CREB5: variants seen among roughly 807,000 people sequenced by gnomAD.
CREB5 encodes cyclic AMP-responsive element-binding protein 5.
CREB5 carries 19 observed loss-of-function variants against 57.1 expected under a neutral mutation model. The observed-to-expected ratio is 0.33, with a 90% confidence interval of 0.23 to 0.49. CREB5 has a LOEUF of 0.49. Among genes scored for constraint, CREB5 ranks in the 20% least tolerant of loss-of-function variants. CREB5 has a pLI of 0.99. For missense variants in CREB5, 579 were observed against 671.6 expected (o/e 0.86, Z 1.52); for synonymous variants, 238 against 238.3 (o/e 1.00, Z 0.01).
At chr7:28,790,476 A>ATAGAGAGAGAG (rs1807627809) in intron 7 of CREB5, among the ~76,000 whole-genome samples, 1 of 133,398 alleles carries the variant, frequency 7.5e-6, no homozygotes, top group African/African-American at 2.8e-5. Flanking sequence ...GAGAGAGAGA[A>ATAGAGAGAGAG]AGAAAGAAAG....
intron 5 of CREB5, chr7:28,615,461 C>T (rs1797561332): frequency 6.6e-6 from 1 of 152,326 alleles, no homozygotes; most frequent in African/African-American, 2.4e-5. Context: ...ATCTTGTTCC[C>T]CACAGTGTCC....
At chr7:28,312,191 T>TA (rs10692775) in intron 1 of CREB5, among the ~76,000 whole-genome samples, 78,938 of 147,234 alleles carry the variant, frequency 0.54, 21,902 homozygotes, top group East Asian at 0.89. Context: ...AGCTAATTGA[T>TA]AAAAAAAAAA....
At chr7:28,630,954 G>A (rs1375885563) in intron 5 of CREB5, among the ~76,000 whole-genome samples, 1 of 152,118 alleles carries the variant, frequency 6.6e-6, no homozygotes, top group Non-Finnish European at 1.5e-5. Context: ...TTAGATATGA[G>A]GAAACCAGGC....
At chr7:28,511,197 A>C (rs1352048089) in intron 4 of CREB5, among the ~76,000 whole-genome samples, 2 of 140,590 alleles carry the variant, frequency 1.4e-5, no homozygotes, top group Non-Finnish European at 3.0e-5. Context: ...GGCACAGGGC[A>C]TGCTGCGGGT....
intron 3 of CREB5, among the ~76,000 whole-genome samples, chr7:28,502,026 T>C (rs1274954395): frequency 6.6e-6 from 1 of 152,146 alleles, no homozygotes; most frequent in African/African-American, 2.4e-5. Context: ...TGGATCACCC[T>C]GGCCAGGATG....
intron 1 of CREB5, among the ~76,000 whole-genome samples, chr7:28,299,897 A>C (rs1480059013): frequency 3.3e-5 from 5 of 152,164 alleles, no homozygotes; most frequent in Non-Finnish European, 7.3e-5. Flanking sequence ...TTGAATCTAC[A>C]TGTTGCGTAT....
intron 7 of CREB5, among the ~76,000 whole-genome samples, chr7:28,769,531 A>AT (rs1168929942): frequency 6.6e-6 from 1 of 152,200 alleles, no homozygotes; most frequent in East Asian, 1.9e-4. Context: ...ATGAAGAATA[A>AT]TTTTTTAAAA....
chr7:28,327,862 A>C (rs1562658683), intron 1 of CREB5, among the ~76,000 whole-genome samples: 1 of 152,218 alleles, frequency 6.6e-6, no homozygotes, highest in Non-Finnish European at 1.5e-5. Context: ...GGCTTCTTCA[A>C]GACTCAATTT....
chr7:28,711,165 G>A (rs1016556522), intron 5 of CREB5, among the ~76,000 whole-genome samples: 10 of 152,194 alleles, frequency 6.6e-5, no homozygotes, highest in Non-Finnish European at 1.3e-4. Context: ...TATAGCATTC[G>A]CTGTTTGACA....
At chr7:28,810,353 G>C (rs1312926542) in intron 9 of CREB5, among the ~76,000 whole-genome samples, 2 of 152,134 alleles carry the variant, frequency 1.3e-5, no homozygotes, top group African/African-American at 4.8e-5. Flanking sequence ...GTGGGGCAGG[G>C]AGGAAATTAC....
intron 9 of CREB5, among the ~76,000 whole-genome samples, chr7:28,810,897 T>C (rs1809077320): frequency 6.6e-6 from 1 of 152,190 alleles, no homozygotes; most frequent in Admixed American, 6.5e-5. Flanking sequence ...GCATGTGTTG[T>C]ATGAGGGCCT....
chr7:28,454,318 C>G (rs1046020833), intron 1 of CREB5, among the ~76,000 whole-genome samples: 3 of 152,060 alleles, frequency 2.0e-5, no homozygotes, highest in Non-Finnish European at 4.4e-5. Flanking sequence ...TCCAACATGC[C>G]CTCCTCTTCC....
intron 5 of CREB5, among the ~76,000 whole-genome samples, chr7:28,701,528 A>T (rs1214371111): frequency 6.6e-6 from 1 of 152,172 alleles, no homozygotes; most frequent in African/African-American, 2.4e-5. Context: ...TTTCTTATAA[A>T]AGGTTGATTC....
At chr7:28,694,483 C>T (rs57467586) in intron 5 of CREB5, among the ~76,000 whole-genome samples, 9 of 152,196 alleles carry the variant, frequency 5.9e-5, no homozygotes, top group East Asian at 3.9e-4. Flanking sequence ...TCACAGGGAA[C>T]GTCATTTGAT....
intron 1 of CREB5, among the ~76,000 whole-genome samples, chr7:28,394,180 ATAAT>A (rs1370061668): frequency 6.6e-6 from 1 of 151,776 alleles, no homozygotes; most frequent in African/African-American, 2.4e-5. Flanking sequence ...AAAAAGAAAT[ATAAT>A]TGATATTTTA....
At chr7:28,735,572 G>A (rs1018754903) in intron 7 of CREB5, among the ~76,000 whole-genome samples, 19 of 152,170 alleles carry the variant, frequency 1.2e-4, no homozygotes, top group African/African-American at 4.1e-4. Flanking sequence ...AATATAAGGA[G>A]TGTAAGTGTT....
chr7:28,430,194 CG>C (rs969300127), intron 1 of CREB5, among the ~76,000 whole-genome samples: 63 of 152,270 alleles, frequency 4.1e-4, no homozygotes, highest in African/African-American at 1.5e-3. Flanking sequence ...CATTATTGAT[CG>C]ATCGATGTGT....
chr7:28,534,861 G>A (rs1793890745), intron 4 of CREB5, among the ~76,000 whole-genome samples: 1 of 141,754 alleles, frequency 7.1e-6, no homozygotes, highest in South Asian at 2.2e-4. Flanking sequence ...GACTTTCTCA[G>A]GGTAACAGGC....
upstream of CREB5, chr7:28,410,192 G>C (rs537803634): frequency 3.9e-4 from 174 of 451,502 alleles, 2 homozygotes; most frequent in South Asian, 2.7e-3. Flanking sequence ...CTCGGAGGGC[G>C]CTTGGCTTTC....
Sources: gnomAD v4.1 joint callset for allele counts (sites outside exome capture counted in the v4.1 genomes callset) on GRCh38, gnomAD v4.1.1 for gene constraint, MANE v1.5 for transcripts, NCBI Gene and HGNC (gene_info 2026-07-23, HGNC 2026-07-21) for gene names.